Variants in CDH4 observed in about 807,000 individuals in gnomAD.
CDH4 encodes cadherin-4.
Under a neutral mutation model 86.0 loss-of-function variants are expected in CDH4, and 33 were observed. That is an observed-to-expected ratio of 0.38 (90% CI 0.29 to 0.51). The LOEUF (loss-of-function observed/expected upper bound fraction) is 0.51. CDH4 is among the 20% of genes least tolerant of loss of function. The pLI is 0.86. For synonymous variants in CDH4, 555 were observed against 549.4 expected, an observed-to-expected ratio of 1.01 and a Z score of -0.14; for missense variants, 1,114 against 1,307.4, an observed-to-expected ratio of 0.85 and a Z score of 2.28.
intron 2 of CDH4, among the ~76,000 whole-genome samples, chr20:61,683,522 C>T (rs78023652): frequency 9.2e-5 from 14 of 152,260 alleles, no homozygotes; most frequent in East Asian, 7.7e-4. Flanking sequence ...GGTACCAGAA[C>T]GGGGTGCCGT....
intron 8 of CDH4, among the ~76,000 whole-genome samples, chr20:61,897,534 T>C (rs1174183431): frequency 6.6e-6 from 1 of 152,108 alleles, no homozygotes; most frequent in Non-Finnish European, 1.5e-5. Context: ...CCATGAGGAC[T>C]GACTAGCCAC....
chr20:61,931,693 C>T (rs1392028888), intron 13 of CDH4, among the ~76,000 whole-genome samples: 1 of 152,170 alleles, frequency 6.6e-6, no homozygotes, highest in Admixed American at 6.5e-5. Flanking sequence ...TGGAGCTTTG[C>T]AGATGGGTGC....
chr20:61,851,109 G>C (rs79383851), intron 5 of CDH4, among the ~76,000 whole-genome samples: 2,819 of 152,340 alleles, frequency 0.019, 91 homozygotes, highest in African/African-American at 0.061. Context: ...GCCCGCGACG[G>C]GGCGGGGACA....
rs1294043447 is a variant in CDH4, at chr20:61,709,531, C to A, written c.170-34032C>A. On this transcript the variant is annotated intron_variant, in intron 2 of 15. Coordinates refer to ENST00000614565, the MANE Select transcript of CDH4 (RefSeq NM_001794.5). This position sits in a 1 kb window ranked among gnomAD's most constrained non-coding sequence, Gnocchi z 4.8. Reference sequence around the variant, plus strand: ...CCTCAAGTCATCCGACTGCCTTAGCCTCCCAAAATGCTGGGATTACAGGCA... The same window carrying A: ...CCTCAAGTCATCCGACTGCCTTAGCATCCCAAAATGCTGGGATTACAGGCA... Among the ~76,000 whole-genome samples, 1 of 152,144 alleles carries A rather than the reference C, an allele frequency of 6.6e-6. No individual in the cohort carries two copies. The highest frequency in any genetic ancestry group is 2.4e-5 in the African/African-American group (1 of 41,432).
At chr20:61,688,203 T>C (rs756737151) in intron 2 of CDH4, among the ~76,000 whole-genome samples, 4 of 152,056 alleles carry the variant, frequency 2.6e-5, no homozygotes, top group Non-Finnish European at 4.4e-5. Context: ...AACACCCTTC[T>C]TCCACGGGTT....
intron 2 of CDH4, among the ~76,000 whole-genome samples, chr20:61,295,894 G>T (rs1300229511): frequency 6.6e-6 from 1 of 152,232 alleles, no homozygotes; most frequent in Non-Finnish European, 1.5e-5. Flanking sequence ...TCTGGAAGGT[G>T]CTTTGAAGGG....
At chr20:61,605,581 C>A (rs903815337) in intron 2 of CDH4, among the ~76,000 whole-genome samples, 2 of 151,864 alleles carry the variant, frequency 1.3e-5, no homozygotes, top group South Asian at 4.2e-4. Flanking sequence ...CTGTCTCTGC[C>A]TCCCTGTCTC....
At chr20:61,337,268 GGTGGTGATATGATA>G (rs2084622498) in intron 2 of CDH4, among the ~76,000 whole-genome samples, 5 of 598 alleles carry the variant, frequency 8.4e-3, no homozygotes, top group Middle Eastern at 0.5. Flanking sequence ...TGATGGTGAT[GGTGGTGATATGATA>G]ATAACACTAA....
At chr20:61,465,681 G>T (rs1201249992) in intron 2 of CDH4, among the ~76,000 whole-genome samples, 20 of 152,028 alleles carry the variant, frequency 1.3e-4, no homozygotes, top group Admixed American at 1.3e-3. Context: ...TTTATCTCCT[G>T]GTTTTTGTTG....
intron 2 of CDH4, among the ~76,000 whole-genome samples, chr20:61,297,724 C>T (rs2427047): frequency 4.6e-5 from 7 of 152,216 alleles, no homozygotes; most frequent in Admixed American, 4.6e-4. Flanking sequence ...GCGCACTTTC[C>T]TGCCCTCTCG....
intron 2 of CDH4, among the ~76,000 whole-genome samples, chr20:61,670,793 C>A (rs1016026387): frequency 2.6e-5 from 4 of 152,144 alleles, no homozygotes; most frequent in African/African-American, 4.8e-5. Flanking sequence ...AAGTCTGGGG[C>A]ACTGTTCTCC....
chr20:61,319,897 G>A (rs915551970), intron 2 of CDH4, among the ~76,000 whole-genome samples: 2 of 151,390 alleles, frequency 1.3e-5, no homozygotes, highest in East Asian at 3.9e-4. Context: ...GAAGGATGCA[G>A]TAAGCCGAGA....
At chr20:61,744,099 A>G (rs2088379860) in intron 3 of CDH4, among the ~76,000 whole-genome samples, 1 of 152,222 alleles carries the variant, frequency 6.6e-6, no homozygotes, top group East Asian at 1.9e-4. Flanking sequence ...CAAACTGGGC[A>G]CTGCAAATTC....
At chr20:61,583,835 A>G (rs546393388) in intron 2 of CDH4, among the ~76,000 whole-genome samples, 1 of 152,264 alleles carries the variant, frequency 6.6e-6, no homozygotes, top group South Asian at 2.1e-4. Context: ...ACAGCCACAC[A>G]CTCCTTCAAG....
At chr20:61,499,530 G>C (rs2085685732) in intron 2 of CDH4, 1 of 1,288,042 alleles carries the variant, frequency 7.8e-7, no homozygotes, top group African/African-American at 1.5e-5. Flanking sequence ...AGGGTTGTTT[G>C]TGGGCCACTT....
chr20:61,266,225 C>A (rs745885560), intron 2 of CDH4, among the ~76,000 whole-genome samples: 2 of 152,002 alleles, frequency 1.3e-5, no homozygotes, highest in Non-Finnish European at 2.9e-5. Flanking sequence ...GAGAGGTGTG[C>A]TTTCTCCTGG....
intron 2 of CDH4, among the ~76,000 whole-genome samples, chr20:61,398,566 G>T (rs1250248414): frequency 6.6e-6 from 1 of 152,190 alleles, no homozygotes; most frequent in Non-Finnish European, 1.5e-5. Flanking sequence ...GAGTCTCCCG[G>T]CGAAATTCCC....
At chr20:61,424,739 C>T (rs539451518) in intron 2 of CDH4, among the ~76,000 whole-genome samples, 6 of 108,538 alleles carry the variant, frequency 5.5e-5, no homozygotes, top group Non-Finnish European at 1.4e-4. Context: ...TCCCTGACTC[C>T]CATTGTTTAG....
chr20:61,837,357 C>T (rs887661130), intron 4 of CDH4, among the ~76,000 whole-genome samples: 1 of 152,166 alleles, frequency 6.6e-6, no homozygotes, highest in Non-Finnish European at 1.5e-5. Flanking sequence ...TCTTCTGACC[C>T]CTTCCAGCTT....
Sources: gnomAD v4.1 joint callset for allele counts (sites outside exome capture counted in the v4.1 genomes callset) on GRCh38, gnomAD v4.1.1 for gene constraint, Gnocchi (gnomAD v3.1) non-coding constraint, MANE v1.5 for transcripts, NCBI Gene and HGNC (gene_info 2026-07-23, HGNC 2026-07-21) for gene names.